CACNA1C: variants seen among roughly 807,000 people sequenced by gnomAD.
CACNA1C encodes calcium voltage-gated channel subunit alpha1 C.
Under a neutral mutation model 229.0 loss-of-function variants are expected in CACNA1C, and 30 were observed. The ratio of observed to expected loss-of-function variants is 0.13; its 90% CI spans 0.10 to 0.18. The LOEUF (loss-of-function observed/expected upper bound fraction) is 0.18. Among genes scored for constraint, CACNA1C ranks in the 10% least tolerant of loss-of-function variants. The probability of loss-of-function intolerance (pLI) is 1.00; values close to 1 mark genes in which losing one functional copy is unlikely to be tolerated. For synonymous variants in CACNA1C, 1,114 were observed against 1,132.5 expected, an observed-to-expected ratio of 0.98 and a Z score of 0.33; for missense variants, 1,658 against 2,845.0, an observed-to-expected ratio of 0.58 and a Z score of 9.49.
chr12:2,625,828 C>G (rs1376933286), intron 29 of CACNA1C, among the ~76,000 whole-genome samples: 3 of 151,798 alleles, frequency 2.0e-5, no homozygotes, highest in Non-Finnish European at 4.4e-5. Flanking sequence ...TATAGTGGCA[C>G]ACACCTGTAG....
chr12:2,503,220 A>G (rs928164394), intron 7 of CACNA1C, among the ~76,000 whole-genome samples: 2 of 152,072 alleles, frequency 1.3e-5, no homozygotes, highest in Non-Finnish European at 2.9e-5. Context: ...AGGTATGTGC[A>G]TTTCTGAACA....
At chr12:2,190,212 A>G (rs2097167862) in intron 3 of CACNA1C, among the ~76,000 whole-genome samples, 1 of 152,220 alleles carries the variant, frequency 6.6e-6, no homozygotes, top group South Asian at 2.1e-4. Flanking sequence ...TCTGTGTGAA[A>G]TGGCGTGTTT....
intron 3 of CACNA1C, among the ~76,000 whole-genome samples, chr12:2,267,889 CT>C (rs1306495267): frequency 2.0e-5 from 3 of 152,220 alleles, no homozygotes; most frequent in African/African-American, 7.2e-5. Context: ...CTTTTTTCCA[CT>C]GTTCTTTTGG....
Position 2,237,705 on chromosome 12 carries a change from C to G in CACNA1C, c.477+117275C>G, listed in dbSNP as rs555347280. ...TTAAAAAGACATTTCCTGGGAAGAACTGGGCAGATGGTGGCTTTAATCTCA... is the reference window on the plus strand; with the variant it reads ...TTAAAAAGACATTTCCTGGGAAGAAGTGGGCAGATGGTGGCTTTAATCTCA... On this transcript the variant is annotated intron_variant, in intron 3 of 46. Transcript: ENST00000399655. Among the ~76,000 whole-genome samples the G allele has an allele frequency of 6.6e-5, 10 of 152,330 alleles. No individual in the cohort carries two copies. The South Asian group carries it at 1.4e-3, about 22-fold the overall frequency.
chr12:2,439,410 C>G (rs1440302181), intron 3 of CACNA1C, among the ~76,000 whole-genome samples: 2 of 152,214 alleles, frequency 1.3e-5, no homozygotes, highest in African/African-American at 4.8e-5. Context: ...TGCAAATCTA[C>G]CGCATTGGCT....
At chr12:2,183,789 A>G (rs1410965393) in intron 3 of CACNA1C, among the ~76,000 whole-genome samples, 2 of 152,256 alleles carry the variant, frequency 1.3e-5, no homozygotes, top group African/African-American at 4.8e-5. Flanking sequence ...GGGGCTCTCC[A>G]GCAGGTAGGG....
chr12:2,598,027 A>G (rs961344010), intron 21 of CACNA1C, among the ~76,000 whole-genome samples: 1 of 152,204 alleles, frequency 6.6e-6, no homozygotes, highest in African/African-American at 2.4e-5. Flanking sequence ...GGGCTGTGTC[A>G]CAGTGATCAC....
At chr12:1,998,978 A>G (rs2041564954) in intron 1 of CACNA1C, among the ~76,000 whole-genome samples, 1 of 152,246 alleles carries the variant, frequency 6.6e-6, no homozygotes, top group African/African-American at 2.4e-5. Flanking sequence ...GCAGTTTTTA[A>G]AAGGCACACA....
At chr12:2,014,589 G>A (rs113224437) in intron 1 of CACNA1C, among the ~76,000 whole-genome samples, 4,025 of 152,228 alleles carry the variant, frequency 0.026, 87 homozygotes, top group Middle Eastern at 0.044. Context: ...AATAAAGTGC[G>A]TTGAGTGTGA....
At chr12:2,156,049 G>A (rs186120698) in intron 3 of CACNA1C, among the ~76,000 whole-genome samples, 3 of 152,294 alleles carry the variant, frequency 2.0e-5, no homozygotes, top group East Asian at 1.9e-4. Flanking sequence ...ACAGACCTAA[G>A]GTTGAGTGAA....
Position 2,597,525 on chromosome 12 carries a change from G to T in CACNA1C, c.2853+236G>T, listed in dbSNP as rs772468171. ...ATGCAACCTGGGCAATGCATCCTCT[G>T]TCGCTTTCTTTGTCTATCTCTGCTC... On this transcript the variant is annotated intron_variant, in intron 21 of 46. Transcript: ENST00000399655. The surrounding 1 kb of genome is among the most constrained non-coding windows in gnomAD (Gnocchi z 4.3). The T allele has an allele frequency of 7.2e-7, 1 of 1,390,232 alleles. No individual in the cohort carries two copies. The highest frequency in any genetic ancestry group is 1.0e-6 in the Non-Finnish European group (1 of 975,860). 86.1% of individuals were successfully genotyped at this position (1,390,232 alleles called of 1,614,324 possible).
intron 3 of CACNA1C, among the ~76,000 whole-genome samples, chr12:2,246,330 G>T (rs1019660091): frequency 2.6e-5 from 4 of 152,148 alleles, no homozygotes; most frequent in Admixed American, 1.3e-4. Context: ...ATCGGGGGCC[G>T]AGGCTGAATT....
intron 3 of CACNA1C, among the ~76,000 whole-genome samples, chr12:2,125,392 A>T (rs1163832379): frequency 6.6e-6 from 1 of 152,186 alleles, no homozygotes; most frequent in Non-Finnish European, 1.5e-5. Flanking sequence ...GCTGAGGTTC[A>T]ATGCTTGAAA....
chr12:2,376,584 T>G (rs1434162537), intron 3 of CACNA1C, among the ~76,000 whole-genome samples: 1 of 152,128 alleles, frequency 6.6e-6, no homozygotes, highest in Non-Finnish European at 1.5e-5. Flanking sequence ...CGGCAAACTT[T>G]GCTTGCTTCC....
intron 1 of CACNA1C, among the ~76,000 whole-genome samples, chr12:2,106,500 C>G (rs1424125043): frequency 9.2e-6 from 1 of 108,334 alleles, no homozygotes; most frequent in African/African-American, 3.6e-5. Context: ...GGGAGGGTTT[C>G]CACCTCAGCT....
chr12:2,553,659 A>T (rs1418745720), intron 10 of CACNA1C, among the ~76,000 whole-genome samples: 1 of 152,252 alleles, frequency 6.6e-6, no homozygotes, highest in Non-Finnish European at 1.5e-5. Context: ...GGTGGGGCTT[A>T]GCCATGCAGG....
intron 1 of CACNA1C, among the ~76,000 whole-genome samples, chr12:2,032,763 G>A (rs188413758): frequency 9.2e-5 from 14 of 152,294 alleles, no homozygotes; most frequent in South Asian, 2.1e-4. Context: ...TTCATATTCC[G>A]TATTCCTGAG....
rs113470833 is a variant in CACNA1C at position 2,549,887 on chromosome 12, G to C, written c.1391-56G>C. The C allele has an allele frequency of 3.8e-6, 5 of 1,300,150 alleles. No homozygotes were observed. The African/African-American group carries it at 4.4e-5, about 11-fold the overall frequency. 80.5% of individuals were successfully genotyped at this position (1,300,150 alleles called of 1,614,324 possible). On this transcript the variant is annotated intron_variant, in intron 9 of 46. Coordinates refer to ENST00000399655, the MANE Select transcript of CACNA1C (RefSeq NM_000719.7). ...GCGTGTTGCAAACTACTGCTCTTCT[G>C]TTCCCTTGTCTCCCCACCCTCAATG...
At position 2,691,110 on chromosome 12, in the gene CACNA1C, G is replaced by A. The variant is rs778550803; in HGVS notation, c.6328G>A (p.Gly2110Ser). ...GGACGCGGGGCAGGACCGAGCCGGG[G>A]GCGAAGAGGACGCGGGCTGTGTGCG... The part of the protein sequence containing the change: ...CRDAGQDRAG[G>S]EEDAGCVRAR... Residue 2110 changes from glycine to serine, a missense_variant, in exon 47 of 47, where the codon GGC becomes AGC. By Grantham distance (56) the Gly-to-Ser change is moderately conservative. Around this residue, in one of 20 missense-constraint regions of CACNA1C, gnomAD observed 590 missense variants for 700.8 expected, o/e 0.84. Transcript: ENST00000399655. 7.4e-6 allele frequency: 12 copies of A among 1,612,220 alleles called. No individual in the cohort carries two copies. Among genetic ancestry groups the A allele is most frequent in the Non-Finnish European group, 1.0e-5 (12 of 1,178,952 alleles).
Sources: allele counts gnomAD v4.1 joint callset (sites outside exome capture counted in the v4.1 genomes callset), GRCh38; gene constraint gnomAD v4.1.1; regional missense constraint gnomAD v4.1.1; non-coding constraint Gnocchi (gnomAD v3.1); transcripts MANE v1.5; gene names NCBI Gene and HGNC (gene_info 2026-07-23, HGNC 2026-07-21).